EML4: variants seen among roughly 807,000 people sequenced by gnomAD.
EML4 encodes EMAP like 4.
A neutral mutation model predicts 129.0 loss-of-function variants in EML4; 72 were observed. The ratio of observed to expected loss-of-function variants is 0.56; its 90% CI spans 0.46 to 0.68. EML4 has a LOEUF of 0.68. EML4 is among the 30% of genes least tolerant of loss of function. The pLI, the probability that EML4 is intolerant of heterozygous loss-of-function variation, is 0.00. For missense variants in EML4, 1,363 were observed against 1,190.6 expected (o/e 1.14, Z -2.13); for synonymous variants, 532 against 405.0 (o/e 1.31, Z -3.77).
chr2:42,264,923 A>T, intron 6 of EML4, 192 bp downstream of exon 6: 1 of 1,550,474 alleles, frequency 6.4e-7, no homozygotes, highest in Non-Finnish European at 8.7e-7. Flanking sequence ...AACCAGCAAA[A>T]ATGTCAACTC....
At chr2:42,195,812 C>G (rs1671867336) in intron 1 of EML4, among the ~76,000 whole-genome samples, 1 of 152,138 alleles carries the variant, frequency 6.6e-6, no homozygotes, top group South Asian at 2.1e-4. Flanking sequence ...GGAAATGGAG[C>G]ATCAGGTTAT....
At chr2:42,238,397 G>C (rs1277106948) in intron 1 of EML4, among the ~76,000 whole-genome samples, 1 of 152,128 alleles carries the variant, frequency 6.6e-6, no homozygotes, top group East Asian at 1.9e-4. Context: ...GATAGGCATA[G>C]CTAATCCCAA....
rs1452543740 is a variant in EML4 at position 42,256,511 on chromosome 2, C to T, written c.219C>T (p.Ser73=). Residue 73 remains serine, a synonymous_variant, in exon 3 of 23, where the codon AGC becomes AGT. Transcript: ENST00000318522. ...CTTAATTATCTTTAGGCCAACCAAG[C>T]CCTCGAGCAGTTATTCCCATGTCCT... ...KKSVSSKGQP[S]PRAVIPMSCI... 1 of 1,601,174 alleles carries T rather than the reference C, an allele frequency of 6.2e-7. No homozygotes were observed. Among genetic ancestry groups the T allele is most frequent in the African/African-American group, 1.3e-5 (1 of 74,702 alleles).
chr2:42,309,430 A>C (rs1326688941), intron 17 of EML4, among the ~76,000 whole-genome samples: 2 of 122,664 alleles, frequency 1.6e-5, no homozygotes. Context: ...AACAACCACC[A>C]CAAAAAAAAA....
chr2:42,182,040 G>C (rs988143193), intron 1 of EML4, among the ~76,000 whole-genome samples: 7 of 150,916 alleles, frequency 4.6e-5, no homozygotes, highest in Non-Finnish European at 1.0e-4. Flanking sequence ...TTCCCCAACA[G>C]AAACCTGGCT....
chr2:42,171,219 A>G (rs1270265561), intron 1 of EML4, among the ~76,000 whole-genome samples: 7 of 152,194 alleles, frequency 4.6e-5, no homozygotes, highest in Non-Finnish European at 5.9e-5. Flanking sequence ...AACTTGTCCT[A>G]TATGTCCGCT....
At chr2:42,214,962 G>C (rs1407725833) in intron 1 of EML4, among the ~76,000 whole-genome samples, 1 of 152,184 alleles carries the variant, frequency 6.6e-6, no homozygotes, top group African/African-American at 2.4e-5. Context: ...ATTCAAAGGA[G>C]AGAACTACAT....
intron 4 of EML4, 180 bp downstream of exon 4, chr2:42,261,474 T>C (rs1396841196): frequency 1.9e-5 from 7 of 370,652 alleles, no homozygotes; most frequent in Non-Finnish European, 3.3e-5. Context: ...AGAATTAAGG[T>C]CACAATTTCT....
chr2:42,317,372 G>A (rs1241880595), intron 18 of EML4, 55 bp from the exon 19 acceptor site: 139 of 1,131,604 alleles, frequency 1.2e-4, no homozygotes, highest in Non-Finnish European at 1.3e-4. Context: ...TAAAATAACA[G>A]TAAATAAATT....
rs565939750 is a variant in EML4 at position 42,246,603 on chromosome 2, A to G, written c.208+916A>G. On this transcript the variant is annotated intron_variant, in intron 2 of 22. Transcript: ENST00000318522. ...TTTCTGAATGTTGTTTAGGGTGTAT[A>G]TGGTATGTAGAGATACATATTGGTA... 1.8e-4 allele frequency among the ~76,000 whole-genome samples: 27 copies of G among 152,334 alleles called. 1 individual carries two copies. The South Asian group carries it at 4.6e-3, about 26-fold the overall frequency.
At chr2:42,316,845 G>T (rs1415832068) in intron 18 of EML4, among the ~76,000 whole-genome samples, 1 of 152,146 alleles carries the variant, frequency 6.6e-6, no homozygotes, top group Non-Finnish European at 1.5e-5. Context: ...TAAGCTATAA[G>T]CCTTTTGAGT....
Position 42,275,211 on chromosome 2 carries a change from T to G in EML4, c.668-5639T>G, listed in dbSNP as rs559405767. On this transcript the variant is annotated intron_variant, in intron 6 of 22. Coordinates refer to ENST00000318522, the MANE Select transcript of EML4 (RefSeq NM_019063.5). ...TGTAGCCAAAATACTGTCATTTTGA[T>G]GTGTGATCAGTATAAAAAAATTATT... is the stretch of plus-strand genomic sequence containing the variant. 2.1e-4 allele frequency among the ~76,000 whole-genome samples: 32 copies of G among 152,374 alleles called. No homozygotes were observed. The Middle Eastern group carries it at 0.01, about 49-fold the overall frequency.
intron 1 of EML4, among the ~76,000 whole-genome samples, chr2:42,199,798 C>G (rs1672111792): frequency 6.6e-6 from 1 of 152,024 alleles, no homozygotes; most frequent in African/African-American, 2.4e-5. Flanking sequence ...CGAAGCGTCA[C>G]AGAAATCCGA....
intron 6 of EML4, among the ~76,000 whole-genome samples, chr2:42,280,043 C>T (rs960923742): frequency 3.9e-5 from 6 of 152,078 alleles, no homozygotes; most frequent in African/African-American, 1.2e-4. Context: ...AATATTTTCT[C>T]CCGTTCTGTA....
intron 1 of EML4, among the ~76,000 whole-genome samples, chr2:42,207,107 A>G (rs967143846): frequency 2.6e-5 from 4 of 152,194 alleles, no homozygotes; most frequent in Non-Finnish European, 5.9e-5. Flanking sequence ...TTCTGTAGAA[A>G]TATGTCAGCG....
chr2:42,192,211 G>T (rs1180483199), intron 1 of EML4, among the ~76,000 whole-genome samples: 1 of 139,126 alleles, frequency 7.2e-6, no homozygotes, highest in Non-Finnish European at 1.5e-5. Context: ...TTCTTTGCTG[G>T]TTTTTTTTTG....
chr2:42,189,177 T>C (rs1195438870), intron 1 of EML4, among the ~76,000 whole-genome samples: 9 of 152,174 alleles, frequency 5.9e-5, no homozygotes, highest in Non-Finnish European at 1.3e-4. Flanking sequence ...ACGAGCCTTA[T>C]TTTTAAAACA....
chr2:42,296,563 G>T (rs938442565), intron 13 of EML4, among the ~76,000 whole-genome samples: 4 of 152,000 alleles, frequency 2.6e-5, no homozygotes, highest in African/African-American at 7.3e-5. Context: ...ATCCCTGTTC[G>T]TGTGCTCAGA....
intron 1 of EML4, among the ~76,000 whole-genome samples, chr2:42,180,540 C>CT (rs1217823940): frequency 6.6e-6 from 1 of 152,154 alleles, no homozygotes; most frequent in African/African-American, 2.4e-5. Context: ...TCTTTCCTGG[C>CT]CTCTATAGAC....
Sources: allele counts gnomAD v4.1 joint callset (sites outside exome capture counted in the v4.1 genomes callset), GRCh38; gene constraint gnomAD v4.1.1; transcripts MANE v1.5; gene names NCBI Gene and HGNC (gene_info 2026-07-23, HGNC 2026-07-21).